The following GTF3C5 variants were observed in gnomAD, a reference collection of about 807,000 sequenced individuals.
GTF3C5 encodes general transcription factor 3C polypeptide 5.
In GTF3C5, 47 loss-of-function variants were observed where a neutral mutation model predicts 61.0. The observed-to-expected ratio is 0.77, with a 90% CI of 0.61 to 0.98. GTF3C5 has a LOEUF of 0.98. GTF3C5 is among the 50% of genes least tolerant of loss of function. GTF3C5 has a pLI of 0.00. For missense variants in GTF3C5, 659 were observed against 703.3 expected (o/e 0.94, Z 0.71); for synonymous variants, 295 against 275.4 (o/e 1.07, Z -0.71).
At position 133,056,881 on chromosome 9, in the gene GTF3C5, C is replaced by T. The variant is rs745823251; in HGVS notation, c.1366C>T (p.Arg456Trp). 6.2e-6 allele frequency: 10 copies of T among 1,606,918 alleles called. No homozygotes were observed. Among genetic ancestry groups the T allele is most frequent in the Non-Finnish European group, 7.6e-6 (9 of 1,176,744 alleles). The change falls in exon 10 of 11, where the codon CGG becomes TGG. Residue 456 changes from arginine to tryptophan, a missense_variant. Physicochemically the swap from Arg to Trp is moderately radical, Grantham distance 101. Coordinates refer to ENST00000372097, the MANE Select transcript of GTF3C5 (RefSeq NM_012087.4). ...ELRDTMSLMI[R>W]QTIRSKRPAL... is the part of the protein sequence containing the mutation. ...CAGGGACACCATGTCCCTCATGATC[C>T]GGCAGACCATCCGCTCCAAGAGGCC...
At chr9:133,036,843 T>C (rs55645892) in intron 1 of GTF3C5, among the ~76,000 whole-genome samples, 9,441 of 152,234 alleles carry the variant, frequency 0.062, 460 homozygotes, top group African/African-American at 0.14. Flanking sequence ...CGTGTTCAGT[T>C]CCTGTCCTTC....
intron 1 of GTF3C5, among the ~76,000 whole-genome samples, chr9:133,031,847 A>G (rs1849742753): frequency 6.6e-6 from 1 of 151,886 alleles, no homozygotes; most frequent in African/African-American, 2.4e-5. Context: ...CGGGGTGAGT[A>G]GTTTTGGTGG....
intron 10 of GTF3C5, 110 bp from the exon 11 acceptor site, chr9:133,057,704 G>A (rs1040339104): frequency 5.9e-6 from 6 of 1,020,064 alleles, no homozygotes; most frequent in Admixed American, 5.7e-5. Flanking sequence ...TTAAGAGCTC[G>A]AGCTCGGACC....
chr9:133,055,094 CCT>C (rs1829890487), intron 8 of GTF3C5: 1 of 1,550,388 alleles, frequency 6.4e-7, no homozygotes, highest in Non-Finnish European at 8.7e-7. Context: ...CCTTTGGGAG[CCT>C]GGGCCCCCAC....
chr9:133,051,837 C>T (rs1486230079), intron 4 of GTF3C5, among the ~76,000 whole-genome samples: 1 of 152,206 alleles, frequency 6.6e-6, no homozygotes, highest in Non-Finnish European at 1.5e-5. Flanking sequence ...CCCAGCCCCA[C>T]AACTGCACTT....
rs1298068143 is a variant in GTF3C5 at position 133,058,178 on chromosome 9, A to AG, written c.*202dup. The AG allele has an allele frequency of 7.1e-7, 1 of 1,402,522 alleles. No homozygotes were observed. The highest frequency in any genetic ancestry group is 1.5e-5 in the African/African-American group (1 of 68,496). The allele number at this position is 1,402,522 out of a possible 1,614,324, so 86.9% of individuals were successfully genotyped here. A position where few individuals can be genotyped will look rare whatever the true frequency, so the allele number is the denominator to read the frequency against. ...CTGCTTGGTGCTGCCTCTGGTCCTG[A>AG]GGGGTTAGGGACATCCCCAAAGGGT... On this transcript the variant is annotated 3_prime_UTR_variant, in exon 11 of 11. Transcript: ENST00000372097.
At chr9:133,038,612 G>A (rs958034251) in intron 1 of GTF3C5, among the ~76,000 whole-genome samples, 8 of 151,058 alleles carry the variant, frequency 5.3e-5, no homozygotes, top group Non-Finnish European at 8.8e-5. Flanking sequence ...CACCACGCCC[G>A]GCTAATTTTT....
Position 133,050,779 on chromosome 9 carries a change from C to T in GTF3C5, c.573-4C>T, listed in dbSNP as rs1850346452. The T allele has an allele frequency of 6.2e-7, 1 of 1,609,186 alleles. No individual in the cohort carries two copies. Among genetic ancestry groups the T allele is most frequent in the Non-Finnish European group, 8.5e-7 (1 of 1,177,128 alleles). ...CTGTTCTCACCTGTACTCTCTGCCCCCAGGGAAGGCTACAACAATCCCCCC... is the reference window on the plus strand; with the variant it reads ...CTGTTCTCACCTGTACTCTCTGCCCTCAGGGAAGGCTACAACAATCCCCCC... On this transcript the variant is annotated splice_polypyrimidine_tract_variant and splice_region_variant and intron_variant, in intron 3 of 10. Transcript: ENST00000372097.
At chr9:133,041,761 G>T (rs573250624) in intron 1 of GTF3C5, among the ~76,000 whole-genome samples, 1 of 152,228 alleles carries the variant, frequency 6.6e-6, no homozygotes, top group African/African-American at 2.4e-5. Context: ...GACCCTGTGG[G>T]GCTGGTCCCT....
At chr9:133,039,479 C>T (rs2118985028) in intron 1 of GTF3C5, among the ~76,000 whole-genome samples, 1 of 152,288 alleles carries the variant, frequency 6.6e-6, no homozygotes, top group East Asian at 1.9e-4. Context: ...TTATGGCTCA[C>T]TGCAACCTCA....
chr9:133,052,167 AAG>A lies in GTF3C5; in HGVS notation c.873+4_873+5del. ...TTCCCTTCATAGCCTATTACATGGT[AAG>A]TGTCAGCTGCCCACCCACCTGCCTT... On this transcript the variant is annotated splice_donor_5th_base_variant and intron_variant, in intron 5 of 10. Coordinates refer to ENST00000372097, the MANE Select transcript of GTF3C5 (RefSeq NM_012087.4). 6.6e-7 allele frequency: 1 copy of A among 1,510,054 alleles called. No individual in the cohort carries two copies. The highest frequency in any genetic ancestry group is 9.2e-7 in the Non-Finnish European group (1 of 1,091,530). The allele number at this position is 1,510,054 out of a possible 1,614,324, so 93.5% of individuals were successfully genotyped here. A position where few individuals can be genotyped will look rare whatever the true frequency, so the allele number is the denominator to read the frequency against.
chr9:133,054,001 A>G, intron 6 of GTF3C5, 59 bp downstream of exon 6: 1 of 1,074,622 alleles, frequency 9.3e-7, no homozygotes. Flanking sequence ...TTCAGTTTCT[A>G]GCATTCTCTT....
Position 133,050,768 on chromosome 9 carries a change from ACT to A in GTF3C5, c.573-10_573-9del. 6.3e-7 allele frequency: 1 copy of A among 1,599,958 alleles called. No individual in the cohort carries two copies. Among genetic ancestry groups the A allele is most frequent in the Non-Finnish European group, 8.5e-7 (1 of 1,170,614 alleles). On this transcript the variant is annotated splice_polypyrimidine_tract_variant and intron_variant, in intron 3 of 10. Coordinates refer to ENST00000372097, the MANE Select transcript of GTF3C5 (RefSeq NM_012087.4). ...CCTTGGTGCTCCTGTTCTCACCTGT[ACT>A]CTCTGCCCCCAGGGAAGGCTACAAC...
At chr9:133,056,203 C>T (rs1362330070) in intron 9 of GTF3C5, 109 bp downstream of exon 9, 7 of 856,108 alleles carry the variant, frequency 8.2e-6, no homozygotes, top group East Asian at 5.4e-5. Context: ...CCGGCAAGAG[C>T]ACTCGCCTGT....
chr9:133,051,609 C>A (rs559513558), intron 4 of GTF3C5, among the ~76,000 whole-genome samples: 1 of 152,326 alleles, frequency 6.6e-6, no homozygotes, highest in Admixed American at 6.5e-5. Context: ...CTGCCCCAGC[C>A]CCCTGGCCCT....
intron 1 of GTF3C5, among the ~76,000 whole-genome samples, chr9:133,041,457 C>CTT (rs1850036018): frequency 6.6e-6 from 1 of 151,094 alleles, no homozygotes; most frequent in Non-Finnish European, 1.5e-5. Flanking sequence ...CATAAGCTGT[C>CTT]TCTCTCTCTC....
intron 1 of GTF3C5, among the ~76,000 whole-genome samples, chr9:133,039,478 A>G (rs1849973992): frequency 6.6e-6 from 1 of 152,118 alleles, no homozygotes; most frequent in Non-Finnish European, 1.5e-5. Context: ...ATTATGGCTC[A>G]CTGCAACCTC....
At chr9:133,045,521 G>A (rs533378672) in intron 3 of GTF3C5, among the ~76,000 whole-genome samples, 22 of 152,272 alleles carry the variant, frequency 1.4e-4, no homozygotes, top group African/African-American at 4.6e-4. Flanking sequence ...TCATAGCCCC[G>A]GTGCCCAGAA....
intron 1 of GTF3C5, among the ~76,000 whole-genome samples, chr9:133,039,552 C>T (rs528628830): frequency 6.6e-6 from 1 of 152,262 alleles, no homozygotes; most frequent in African/African-American, 2.4e-5. Flanking sequence ...TATAGGCATG[C>T]ACCACCACGC....
Sources: allele counts gnomAD v4.1 joint callset (sites outside exome capture counted in the v4.1 genomes callset), GRCh38; gene constraint gnomAD v4.1.1; transcripts MANE v1.5; gene names NCBI Gene and HGNC (gene_info 2026-07-23, HGNC 2026-07-21).